CFAP43: variants seen among roughly 807,000 people sequenced by gnomAD.
CFAP43 encodes cilia and flagella associated protein 43.
In CFAP43, 155 loss-of-function variants were observed where a neutral mutation model predicts 218.9. The ratio of observed to expected loss-of-function variants is 0.71; its 90% CI spans 0.62 to 0.81. CFAP43 has a LOEUF of 0.81. Among genes scored for constraint, CFAP43 ranks in the 30% least tolerant of loss-of-function variants. CFAP43 has a pLI of 0.00. For missense variants in CFAP43, 1,778 were observed against 1,954.3 expected (o/e 0.91, Z 1.70); for synonymous variants, 645 against 681.3 (o/e 0.95, Z 0.83).
Position 104,214,370 on chromosome 10 carries a change from T to C in CFAP43, c.473A>G (p.Asn158Ser). Residue 158 changes from asparagine (N) to serine (S), a missense_variant, in exon 4 of 38, where the codon AAC (asparagine) becomes AGC (serine). Around this residue, in one of 3 missense-constraint regions of CFAP43, gnomAD observed 1,553 missense variants for 1,685.2 expected, o/e 0.92. Coordinates refer to ENST00000357060, the MANE Select transcript of CFAP43 (RefSeq NM_025145.7). ...CKKSQPGMDV[N>S]QMSFNPMNWR... ...GTTCATGGGGTTAAAAGACATTTGG[T>C]TCACATCCATTCCAGGCTGTGATTT... is the stretch of plus-strand genomic sequence containing the variant. The C allele has an allele frequency of 6.2e-7, 1 of 1,610,084 alleles. No homozygotes were observed. Among genetic ancestry groups the C allele is most frequent in the Non-Finnish European group, 8.5e-7 (1 of 1,177,784 alleles).
chr10:104,137,433 T>G (rs1448045982), intron 34 of CFAP43, among the ~76,000 whole-genome samples: 2 of 152,088 alleles, frequency 1.3e-5, no homozygotes, highest in East Asian at 3.9e-4. Flanking sequence ...AAATGCAGAT[T>G]AGTGGTGTCC....
rs955375081 is a variant in CFAP43 at position 104,166,507 on chromosome 10, T to C, written c.3020A>G (p.Asn1007Ser). ...LELHSREEKI[N>S]QIILLKDIIY... ...ACCCACTTTCAATAATATAATTTGG[T>C]TGATTTTCTCTTCTCTGGAATGAAG... is the stretch of plus-strand genomic sequence containing the variant. Residue 1007 changes from asparagine to serine, a missense_variant, in exon 23 of 38, where the codon AAC (asparagine) becomes AGC (serine). Around this residue, in one of 3 missense-constraint regions of CFAP43, gnomAD observed 1,553 missense variants for 1,685.2 expected, o/e 0.92. Transcript: ENST00000357060. 5 of 1,613,130 alleles carry C rather than the reference T, an allele frequency of 3.1e-6. No individual in the cohort carries two copies. The highest frequency in any genetic ancestry group is 4.2e-6 in the Non-Finnish European group (5 of 1,179,724).
chr10:104,195,950 T>C (rs2134926033), intron 10 of CFAP43, among the ~76,000 whole-genome samples: 1 of 152,362 alleles, frequency 6.6e-6, no homozygotes, highest in African/African-American at 2.4e-5. Flanking sequence ...GCATTAATTA[T>C]GCACTTAATT....
Position 104,152,711 on chromosome 10 carries a change from G to T in CFAP43, c.3556C>A (p.Leu1186Met). ...TGAATAGAGTTTTGAAGTTTCTTCA[G>T]TTCTGCTTCTAATGACTAAAAGGAA... ...DKYRKSLEAE[L>M]KKLQNSIQES... is the part of the protein sequence containing the mutation. The change falls in exon 28 of 38, where the codon CTG (leucine) becomes ATG (methionine). Residue 1186 changes from leucine to methionine, a missense_variant. Coordinates refer to ENST00000357060, the MANE Select transcript of CFAP43 (RefSeq NM_025145.7). 6.2e-7 allele frequency: 1 copy of T among 1,610,112 alleles called. No homozygotes were observed. The highest frequency in any genetic ancestry group is 8.5e-7 in the Non-Finnish European group (1 of 1,179,060).
At chr10:104,212,664 A>G (rs534011285) in intron 4 of CFAP43, among the ~76,000 whole-genome samples, 2 of 152,368 alleles carry the variant, frequency 1.3e-5, no homozygotes, top group East Asian at 3.9e-4. Flanking sequence ...TATATATTTA[A>G]ACATATATTC....
chr10:104,135,878 G>T (rs1450823936), intron 34 of CFAP43, among the ~76,000 whole-genome samples: 1 of 151,696 alleles, frequency 6.6e-6, no homozygotes, highest in Non-Finnish European at 1.5e-5. Flanking sequence ...ATATGAAGCT[G>T]CAAAGGATCA....
Position 104,212,007 on chromosome 10 carries a change from C to T in CFAP43, c.735G>A (p.Arg245=). Residue 245 remains arginine, a splice_region_variant and synonymous_variant, in exon 5 of 38, where the codon CGG becomes CGA. Coordinates refer to ENST00000357060, the MANE Select transcript of CFAP43 (RefSeq NM_025145.7). Reference sequence around the variant, plus strand: ...ACAGGAAGAGGTGCCAGGTAATTACCCGGAAAGTCTCTGCCTCTTTGCCTA... The same window carrying T: ...ACAGGAAGAGGTGCCAGGTAATTACTCGGAAAGTCTCTGCCTCTTTGCCTA... ...GLVGKEAETF[R]PKDDLYPLLH... 6.2e-7 allele frequency: 1 copy of T among 1,611,196 alleles called. No homozygotes were observed. Among genetic ancestry groups the T allele is most frequent in the Non-Finnish European group, 8.5e-7 (1 of 1,178,224 alleles).
At position 104,185,959 on chromosome 10, in the gene CFAP43, A is replaced by T; in HGVS notation, c.2010+15T>A. The T allele has an allele frequency of 6.2e-7, 1 of 1,603,062 alleles. No individual in the cohort carries two copies. Among genetic ancestry groups the T allele is most frequent in the Non-Finnish European group, 8.5e-7 (1 of 1,176,390 alleles). ...ATATACACCCACAATATTTTTTTTT[A>T]AGAAAGCAGCTTACCAAAGTATAAA... On this transcript the variant is annotated intron_variant, in intron 15 of 37. Transcript: ENST00000357060.
chr10:104,145,917 C>G lies in CFAP43; in HGVS notation c.3855+346G>C, dbSNP rs149065976. Among the ~76,000 whole-genome samples, 1,502 of 152,224 alleles carry G rather than the reference C, an allele frequency of 9.9e-3. 11 individuals carry two copies. Among genetic ancestry groups the G allele is most frequent in the Admixed American group, 0.014 (215 of 15,288 alleles). On this transcript the variant is annotated intron_variant, in intron 30 of 37. Transcript: ENST00000357060. ...TTCCATCTGTCTTCTTTATGCTATT[C>G]TATCCTATTCTTTTCCATTATAAAA... is the stretch of plus-strand genomic sequence containing the variant.
chr10:104,182,424 T>C lies in CFAP43; in HGVS notation c.2231A>G (p.His744Arg), dbSNP rs1417654778. Residue 744 changes from histidine (H) to arginine (R), a missense_variant, in exon 17 of 38, where the codon CAT becomes CGT. Around this residue, in one of 3 missense-constraint regions of CFAP43, gnomAD observed 1,553 missense variants for 1,685.2 expected, o/e 0.92. Transcript: ENST00000357060. ...AACTTTTGGTGTTGTGCTTAAATAA[T>C]GATTCTCCTTGTCCATGGCGCTGCT... ...SLSSAMDKEN[H>R]YLSTTPKVSV... The C allele has an allele frequency of 6.2e-7, 1 of 1,611,968 alleles. No individual in the cohort carries two copies. The highest frequency in any genetic ancestry group is 1.7e-5 in the Admixed American group (1 of 59,544).
chr10:104,153,374 C>T (rs1013361040), intron 27 of CFAP43, among the ~76,000 whole-genome samples: 1 of 152,102 alleles, frequency 6.6e-6, no homozygotes. Flanking sequence ...TCAACAATCA[C>T]TTAACTGTAC....
intron 17 of CFAP43, among the ~76,000 whole-genome samples, chr10:104,180,278 T>C (rs1273124865): frequency 6.6e-6 from 1 of 152,156 alleles, no homozygotes; most frequent in East Asian, 1.9e-4. Flanking sequence ...TTTTGAAGTC[T>C]TAATACTTAA....
At chr10:104,155,474 A>C (rs182197726) in intron 27 of CFAP43, among the ~76,000 whole-genome samples, 15 of 152,152 alleles carry the variant, frequency 9.9e-5, no homozygotes, top group Admixed American at 4.6e-4. Context: ...CAGTTAAATA[A>C]TTATCTTGCG....
chr10:104,230,862 C>G lies in CFAP43; in HGVS notation c.66-19G>C. 2 of 1,591,038 alleles carry G rather than the reference C, an allele frequency of 1.3e-6. No individual in the cohort carries two copies. The highest frequency in any genetic ancestry group is 1.7e-6 in the Non-Finnish European group (2 of 1,171,626). On this transcript the variant is annotated intron_variant, in intron 1 of 37. Transcript: ENST00000357060. ...CACCCATCTTTGGGAAAAGATATGT[C>G]AACATCAATATAATACATTTCAAAT...
At chr10:104,164,548 C>T (rs924404981) in intron 23 of CFAP43, among the ~76,000 whole-genome samples, 26 of 152,256 alleles carry the variant, frequency 1.7e-4, no homozygotes, top group African/African-American at 6.0e-4. Flanking sequence ...CAGGTGCCCG[C>T]TACCACGCCC....
intron 4 of CFAP43, 64 bp downstream of exon 4, chr10:104,214,195 A>T: frequency 6.8e-7 from 1 of 1,464,792 alleles, no homozygotes; most frequent in African/African-American, 1.4e-5. Flanking sequence ...AAATTGACCC[A>T]ATCACATTAC....
intron 17 of CFAP43, among the ~76,000 whole-genome samples, 191 bp downstream of exon 17, chr10:104,182,175 A>G (rs1022247933): frequency 6.6e-6 from 1 of 152,172 alleles, no homozygotes; most frequent in Non-Finnish European, 1.5e-5. Context: ...GAAATGTACT[A>G]TTTGCAATTG....
rs150076256 is a variant in CFAP43, at chr10:104,157,545, G to C, written c.3540+3492C>G. Among the ~76,000 whole-genome samples the C allele has an allele frequency of 3.2e-3, 481 of 152,234 alleles. 12 individuals carry two copies. Among genetic ancestry groups the C allele is most frequent in the Admixed American group, 0.027 (420 of 15,284 alleles). On this transcript the variant is annotated intron_variant, in intron 27 of 37. Transcript: ENST00000357060. ...GATAGTTTGGTGAAAAAAACATAGG[G>C]GGTAGATGGGACAGCATTTTTGATA...
intron 5 of CFAP43, among the ~76,000 whole-genome samples, chr10:104,211,206 T>C (rs562875581): frequency 1.3e-5 from 2 of 152,206 alleles, no homozygotes; most frequent in Admixed American, 1.3e-4. Flanking sequence ...AATTACCACA[T>C]TTTGTAATGA....
Sources: allele counts gnomAD v4.1 joint callset (sites outside exome capture counted in the v4.1 genomes callset), GRCh38; gene constraint gnomAD v4.1.1; regional missense constraint gnomAD v4.1.1; transcripts MANE v1.5; gene names NCBI Gene and HGNC (gene_info 2026-07-23, HGNC 2026-07-21).